Variants in NKAIN2 observed in about 807,000 individuals in gnomAD.
NKAIN2 encodes sodium/potassium-transporting ATPase subunit beta-1-interacting protein 2.
A neutral mutation model predicts 32.6 loss-of-function variants in NKAIN2; 14 were observed. The observed-to-expected ratio is 0.43, with a 90% CI of 0.28 to 0.67. The LOEUF is 0.67. Among genes scored for constraint, NKAIN2 ranks in the 30% least tolerant of loss-of-function variants. The pLI is 0.17. For missense variants in NKAIN2, 198 were observed against 258.3 expected (o/e 0.77, Z 1.60); for synonymous variants, 80 against 87.2 (o/e 0.92, Z 0.46).
intron 3 of NKAIN2, among the ~76,000 whole-genome samples, chr6:124,645,104 G>A (rs752390807): frequency 7.2e-5 from 11 of 152,160 alleles, no homozygotes; most frequent in Non-Finnish European, 1.3e-4. Context: ...AATTAACAGT[G>A]AGACAAGAAG....
Position 124,789,650 on chromosome 6 carries a change from C to T in NKAIN2, c.475-1689C>T, listed in dbSNP as rs545703115. Among the ~76,000 whole-genome samples the T allele has an allele frequency of 2.6e-5, 4 of 151,962 alleles. No homozygotes were observed. The South Asian group carries it at 8.3e-4, about 32-fold the overall frequency. On this transcript the variant is annotated intron_variant, in intron 4 of 6. Transcript: ENST00000368417. ...GATTTGAGTTTGGACAAATCAAAAT[C>T]TTTGCTAAAGCCAAACAGGAAAATA...
intron 4 of NKAIN2, among the ~76,000 whole-genome samples, chr6:124,737,901 AG>A (rs751299338): frequency 1.1e-4 from 16 of 151,932 alleles, no homozygotes; most frequent in Non-Finnish European, 1.9e-4. Flanking sequence ...GAGATGACTT[AG>A]GGTATCTGGC....
chr6:124,539,078 C>G (rs2114839918), intron 3 of NKAIN2, among the ~76,000 whole-genome samples: 1 of 152,190 alleles, frequency 6.6e-6, no homozygotes, highest in Non-Finnish European at 1.5e-5. Context: ...TTATGTCTAT[C>G]CATACATTCC....
intron 3 of NKAIN2, among the ~76,000 whole-genome samples, chr6:124,402,757 C>T (rs980937739): frequency 2.0e-5 from 3 of 152,006 alleles, no homozygotes; most frequent in Non-Finnish European, 4.4e-5. Context: ...ATATTGAGTA[C>T]CTATAGACAC....
rs6931821 is a variant in NKAIN2 at position 124,825,249 on chromosome 6, G to A, written c.*2020G>A. 0.051 allele frequency: 7,759 copies of A among 152,618 alleles called. 244 individuals carry two copies. Among genetic ancestry groups the A allele is most frequent in the Admixed American group, 0.1 (1,570 of 15,288 alleles). The allele number at this position is 152,618 out of a possible 1,614,324, so 9.5% of individuals were successfully genotyped here. On this transcript the variant is annotated 3_prime_UTR_variant, in exon 7 of 7. Transcript: ENST00000368417. The stretch of plus-strand genomic sequence containing the variant: ...CTTATAGTACATGTATATGGGTACA[G>A]AAAATAAACCCTCATATTCCTGCTT...
At chr6:124,493,840 G>C (rs943354497) in intron 3 of NKAIN2, among the ~76,000 whole-genome samples, 10 of 151,068 alleles carry the variant, frequency 6.6e-5, no homozygotes, top group African/African-American at 1.2e-4. Flanking sequence ...CTCATGACTG[G>C]TTGACACGAC....
At chr6:124,496,418 T>G (rs1371090534) in intron 3 of NKAIN2, among the ~76,000 whole-genome samples, 1 of 152,130 alleles carries the variant, frequency 6.6e-6, no homozygotes, top group Non-Finnish European at 1.5e-5. Flanking sequence ...AAGGAAGATA[T>G]AAAGATTAAT....
chr6:124,268,262 T>C (rs1296874750), intron 1 of NKAIN2, among the ~76,000 whole-genome samples: 1 of 152,206 alleles, frequency 6.6e-6, no homozygotes, highest in Non-Finnish European at 1.5e-5. Flanking sequence ...GCCCACTATC[T>C]GTAAGAACAT....
chr6:124,118,684 G>A (rs551024583), intron 1 of NKAIN2, among the ~76,000 whole-genome samples: 1 of 152,220 alleles, frequency 6.6e-6, no homozygotes, highest in South Asian at 2.1e-4. Context: ...ATAAAACAGT[G>A]ATCATCTGAA....
intron 1 of NKAIN2, among the ~76,000 whole-genome samples, chr6:123,952,575 T>C (rs893602215): frequency 3.9e-5 from 6 of 152,194 alleles, no homozygotes; most frequent in Non-Finnish European, 8.8e-5. Flanking sequence ...GTTCATTCTT[T>C]TTAAAACATT....
At position 124,494,323 on chromosome 6, in the gene NKAIN2, G is replaced by A. The variant is rs927588151; in HGVS notation, c.273+138976G>A. On this transcript the variant is annotated intron_variant, in intron 3 of 6. Coordinates refer to ENST00000368417, the MANE Select transcript of NKAIN2 (RefSeq NM_001040214.3). ...ATGCTGCTCTGTATTAGCACCAAGA[G>A]TGAGTTTTTTAAAAATATTCTAATC... Among the ~76,000 whole-genome samples, 3 of 152,056 alleles carry A rather than the reference G, an allele frequency of 2.0e-5. No individual in the cohort carries two copies. The South Asian group carries it at 6.2e-4, about 32-fold the overall frequency.
At chr6:124,622,150 T>G (rs986254157) in intron 3 of NKAIN2, among the ~76,000 whole-genome samples, 1 of 152,332 alleles carries the variant, frequency 6.6e-6, no homozygotes, top group Middle Eastern at 3.4e-3. Flanking sequence ...CCTTCCTTGC[T>G]TCTTCTAGCT....
At chr6:124,448,125 T>C (rs1775968482) in intron 3 of NKAIN2, among the ~76,000 whole-genome samples, 1 of 152,088 alleles carries the variant, frequency 6.6e-6, no homozygotes, top group Non-Finnish European at 1.5e-5. Flanking sequence ...ATATTACTTA[T>C]TATCTTGGGT....
At chr6:124,232,381 A>C (rs1792506274) in intron 1 of NKAIN2, among the ~76,000 whole-genome samples, 1 of 152,196 alleles carries the variant, frequency 6.6e-6, no homozygotes, top group South Asian at 2.1e-4. Context: ...AAACAGAGAG[A>C]GAAGAACCTG....
chr6:124,338,549 C>T (rs185847560), intron 2 of NKAIN2, among the ~76,000 whole-genome samples: 108 of 152,074 alleles, frequency 7.1e-4, no homozygotes, highest in Non-Finnish European at 1.3e-3. Flanking sequence ...TTTTTCTAGG[C>T]GCTTAACTCA....
At chr6:124,087,504 CTG>C (rs1472210332) in intron 1 of NKAIN2, among the ~76,000 whole-genome samples, 1 of 151,854 alleles carries the variant, frequency 6.6e-6, no homozygotes, top group Non-Finnish European at 1.5e-5. Context: ...ACATAATTGT[CTG>C]TGTAGAAAAT....
At chr6:124,068,528 C>T (rs1057120049) in intron 1 of NKAIN2, among the ~76,000 whole-genome samples, 1 of 151,896 alleles carries the variant, frequency 6.6e-6, no homozygotes, top group African/African-American at 2.4e-5. Context: ...GTAGCTGGGA[C>T]TACGGGCATG....
chr6:124,583,138 A>G (rs1008875699), intron 3 of NKAIN2, among the ~76,000 whole-genome samples: 1 of 152,018 alleles, frequency 6.6e-6, no homozygotes, highest in Non-Finnish European at 1.5e-5. Context: ...GACGAAAGAA[A>G]TAAAGGTGTC....
intron 4 of NKAIN2, among the ~76,000 whole-genome samples, chr6:124,731,616 G>A (rs1258793838): frequency 6.0e-5 from 9 of 149,410 alleles, no homozygotes; most frequent in Non-Finnish European, 7.4e-5. Context: ...GCTAGATGAC[G>A]AGTTAGTGGG....
Sources: allele counts gnomAD v4.1 joint callset (sites outside exome capture counted in the v4.1 genomes callset), GRCh38; gene constraint gnomAD v4.1.1; transcripts MANE v1.5; gene names NCBI Gene and HGNC (gene_info 2026-07-23, HGNC 2026-07-21).